The following ACOT12 variants were observed in gnomAD, a reference collection of about 807,000 sequenced individuals.
The protein encoded by ACOT12 is acyl-CoA thioesterase 12.
A neutral mutation model predicts 67.7 loss-of-function variants in ACOT12; 51 were observed. That is an observed-to-expected ratio of 0.75 (90% CI 0.60 to 0.95). The LOEUF is 0.95. Among genes scored for constraint, ACOT12 ranks in the 40% least tolerant of loss-of-function variants. ACOT12 has a pLI of 0.00. For missense variants in ACOT12, 734 were observed against 708.1 expected (o/e 1.04, Z -0.41); for synonymous variants, 251 against 244.6 (o/e 1.03, Z -0.24).
At chr5:81,386,267 C>T (rs971136951) in intron 1 of ACOT12, among the ~76,000 whole-genome samples, 2 of 152,270 alleles carry the variant, frequency 1.3e-5, no homozygotes, top group South Asian at 2.1e-4. Context: ...AGCACTTGAG[C>T]GGTATGGGAA....
Position 81,383,493 on chromosome 5 carries a change from C to A in ACOT12, c.197+2264G>T, listed in dbSNP as rs141890099. 5.9e-5 allele frequency among the ~76,000 whole-genome samples: 9 copies of A among 152,182 alleles called. No homozygotes were observed. In the East Asian group the frequency reaches 1.7e-3, roughly 29 times the overall value. On this transcript the variant is annotated intron_variant, in intron 2 of 14. Coordinates refer to ENST00000307624, the MANE Select transcript of ACOT12 (RefSeq NM_130767.3). Reference sequence around the variant, plus strand: ...TACAGTGGATGTAAATTCTATAAAACAAATGACCAGGTTTCTTTAAAAAAT... The same window carrying A: ...TACAGTGGATGTAAATTCTATAAAAAAAATGACCAGGTTTCTTTAAAAAAT...
chr5:81,348,416 A>G (rs934874906), intron 5 of ACOT12, among the ~76,000 whole-genome samples: 12 of 152,190 alleles, frequency 7.9e-5, no homozygotes, highest in African/African-American at 2.9e-4. Context: ...GTTGTTAAAG[A>G]TAAAGGAATC....
At chr5:81,316,441 A>G in the ACOT12 span, among the ~76,000 whole-genome samples, 1 of 152,208 alleles carries the variant, frequency 6.6e-6, no homozygotes, top group East Asian at 1.9e-4. Context: ...TTCAGTTAAC[A>G]TGATGTTTTC....
intron 5 of ACOT12, among the ~76,000 whole-genome samples, chr5:81,358,853 GAAA>G (rs10617260): frequency 7.7e-5 from 11 of 143,094 alleles, no homozygotes; most frequent in African/African-American, 1.8e-4. Context: ...CTGTCTCAAA[GAAA>G]AAAAAAAAAA....
chr5:81,330,815 A>G lies in ACOT12; in HGVS notation c.1517T>C (p.Ile506Thr). 1.2e-6 allele frequency: 2 copies of G among 1,613,396 alleles called. No homozygotes were observed. The highest frequency in any genetic ancestry group is 1.1e-5 in the South Asian group (1 of 90,978). Residue 506 changes from isoleucine (I) to threonine (T), a missense_variant and splice_region_variant, in exon 14 of 15, where the codon ATC (isoleucine) becomes ACC (threonine). Transcript: ENST00000307624. ...LIHAIDSNSC[I>T]VSYFNHMSAS... ...CTGCAGATGTTTCATCAAACTTACGATGCATGAATTGCTGTCAATAGCATG... is the reference window on the plus strand; with the variant it reads ...CTGCAGATGTTTCATCAAACTTACGGTGCATGAATTGCTGTCAATAGCATG...
chr5:81,314,140 T>C, the ACOT12 span, among the ~76,000 whole-genome samples: 5 of 152,120 alleles, frequency 3.3e-5, no homozygotes, highest in African/African-American at 1.2e-4. Context: ...TAGCTCACTC[T>C]GTCACCCAGG....
At chr5:81,349,000 A>T (rs1759470331) in intron 5 of ACOT12, among the ~76,000 whole-genome samples, 1 of 152,214 alleles carries the variant, frequency 6.6e-6, no homozygotes, top group Non-Finnish European at 1.5e-5. Flanking sequence ...GAAGTGAACC[A>T]CCGGCTAGGT....
At position 81,385,780 on chromosome 5, in the gene ACOT12, G is replaced by A; in HGVS notation, c.174C>T (p.Asp58=). ...ACCTAGCTGTCTCCTCAAACTGTATGTCATCCACTGAGGCTGTAACGCAGG... is the reference window on the plus strand; with the variant it reads ...ACCTAGCTGTCTCCTCAAACTGTATATCATCCACTGAGGCTGTAACGCAGG... ...GVSCVTASVD[D]IQFEETARVG... Residue 58 remains aspartate (D), a synonymous_variant, in exon 2 of 15, where the codon GAC becomes GAT. Transcript: ENST00000307624. 2 of 1,614,112 alleles carry A rather than the reference G, an allele frequency of 1.2e-6. No homozygotes were observed. Among genetic ancestry groups the A allele is most frequent in the Non-Finnish European group, 1.7e-6 (2 of 1,180,012 alleles).
chr5:81,350,636 T>C (rs867404133), intron 5 of ACOT12, among the ~76,000 whole-genome samples: 12 of 152,350 alleles, frequency 7.9e-5, no homozygotes, highest in Middle Eastern at 3.4e-3. Context: ...GCAGATCCCC[T>C]GGGGTCCTAC....
Position 81,390,059 on chromosome 5 carries a change from A to T in ACOT12, c.127+3929T>A, listed in dbSNP as rs748831464. On this transcript the variant is annotated intron_variant, in intron 1 of 14. Transcript: ENST00000307624. ...AGCCTCGACCTCCCAGGCTCAAGTC[A>T]TCCTCACACCTCAGCCTCCTGAGTA... is the stretch of plus-strand genomic sequence containing the variant. Among the ~76,000 whole-genome samples the T allele has an allele frequency of 1.0e-4, 15 of 147,494 alleles. 1 individual carries two copies. Among genetic ancestry groups the T allele is most frequent in the Non-Finnish European group, 1.9e-4 (13 of 67,194 alleles).
At chr5:81,347,418 A>T (rs889263602) in intron 6 of ACOT12, among the ~76,000 whole-genome samples, 1 of 152,140 alleles carries the variant, frequency 6.6e-6, no homozygotes, top group African/African-American at 2.4e-5. Flanking sequence ...ACCTAGACTG[A>T]TTATTTTTAA....
chr5:81,341,810 G>A (rs1759201337), intron 11 of ACOT12, among the ~76,000 whole-genome samples: 1 of 152,108 alleles, frequency 6.6e-6, no homozygotes, highest in Admixed American at 6.6e-5. Flanking sequence ...CACTGTAATA[G>A]GTCCTAAGAG....
In ACOT12 at chr5:81,345,058, A is replaced by C; in HGVS notation, c.774-17T>G. On this transcript the variant is annotated splice_polypyrimidine_tract_variant and intron_variant, in intron 7 of 14. Coordinates refer to ENST00000307624, the MANE Select transcript of ACOT12 (RefSeq NM_130767.3). ...ACTTCAACACTGTGAAGGGTGATGC[A>C]GGGCGGTGGGCAAAGAGGATCTTGA... The C allele has an allele frequency of 6.2e-7, 1 of 1,613,424 alleles. No homozygotes were observed. Among genetic ancestry groups the C allele is most frequent in the Non-Finnish European group, 8.5e-7 (1 of 1,179,694 alleles).
intron 12 of ACOT12, among the ~76,000 whole-genome samples, chr5:81,334,220 C>T (rs936253639): frequency 3.3e-5 from 5 of 152,178 alleles, no homozygotes; most frequent in African/African-American, 4.8e-5. Flanking sequence ...AGTACACTAA[C>T]GCAAGAATCC....
At chr5:81,332,867 T>C (rs1411720056) in intron 12 of ACOT12, among the ~76,000 whole-genome samples, 2 of 152,082 alleles carry the variant, frequency 1.3e-5, no homozygotes, top group Non-Finnish European at 2.9e-5. Flanking sequence ...AGTTCAGGAC[T>C]AACCTGGGCA....
chr5:81,310,286 C>T, the ACOT12 span, among the ~76,000 whole-genome samples: 2 of 151,558 alleles, frequency 1.3e-5, no homozygotes, highest in Admixed American at 1.3e-4. Context: ...CAATAAGGGG[C>T]TTTCTGCGAT....
At chr5:81,362,543 T>A (rs1050919963) in intron 4 of ACOT12, among the ~76,000 whole-genome samples, 3 of 152,188 alleles carry the variant, frequency 2.0e-5, no homozygotes, top group Non-Finnish European at 2.9e-5. Context: ...ATGACGGTCT[T>A]CCTCTGCTGC....
intron 2 of ACOT12, among the ~76,000 whole-genome samples, chr5:81,384,749 T>C (rs1760681998): frequency 6.6e-6 from 1 of 152,158 alleles, no homozygotes; most frequent in Admixed American, 6.5e-5. Flanking sequence ...ACTGAAACAT[T>C]TACAGATGAT....
At chr5:81,324,640 G>C in the ACOT12 span, among the ~76,000 whole-genome samples, 8 of 152,318 alleles carry the variant, frequency 5.3e-5, no homozygotes, top group Non-Finnish European at 1.0e-4. Context: ...CTAATATTGA[G>C]AGGCCTGATG....
Sources: allele counts gnomAD v4.1 joint callset (sites outside exome capture counted in the v4.1 genomes callset), GRCh38; gene constraint gnomAD v4.1.1; transcripts MANE v1.5; gene names NCBI Gene and HGNC (gene_info 2026-07-23, HGNC 2026-07-21).